The following IRAG1 variants were observed in gnomAD, a reference collection of about 807,000 sequenced individuals.
IRAG1 encodes the protein IP3R-associated cGMP kinase substrate.
A neutral mutation model predicts 106.2 loss-of-function variants in IRAG1; 62 were observed. The observed-to-expected ratio is 0.58, with a 90% CI of 0.48 to 0.72. The LOEUF (loss-of-function observed/expected upper bound fraction) is 0.72, where lower values mean the gene tolerates loss of function less well. Among genes scored for constraint, IRAG1 ranks in the 30% least tolerant of loss-of-function variants. IRAG1 has a pLI of 0.00. For synonymous variants in IRAG1, 462 were observed against 443.9 expected (o/e 1.04, Z -0.51); for missense variants, 1,064 against 1,140.7 (o/e 0.93, Z 0.97).
chr11:10,655,441 C>T (rs1858841653), intron 1 of IRAG1, among the ~76,000 whole-genome samples: 1 of 151,914 alleles, frequency 6.6e-6, no homozygotes, highest in Non-Finnish European at 1.5e-5. Flanking sequence ...TTTTACTGTT[C>T]CCAAAGAATA....
At chr11:10,650,850 T>C (rs1268635955) in intron 2 of IRAG1, among the ~76,000 whole-genome samples, 1 of 152,220 alleles carries the variant, frequency 6.6e-6, no homozygotes, top group Admixed American at 6.5e-5. Context: ...TTCTGCAACA[T>C]CTTAATCCGA....
At chr11:10,686,230 A>C (rs561297832) in intron 1 of IRAG1, among the ~76,000 whole-genome samples, 1 of 152,180 alleles carries the variant, frequency 6.6e-6, no homozygotes, top group South Asian at 2.1e-4. Context: ...AGGTAAGGGG[A>C]CTCAGAGGTT....
intron 2 of IRAG1, among the ~76,000 whole-genome samples, chr11:10,645,643 CTT>C (rs1478718935): frequency 1.3e-5 from 2 of 152,198 alleles, no homozygotes; most frequent in East Asian, 1.9e-4. Context: ...CATGTGGAAA[CTT>C]TTTGCAAACC....
intron 1 of IRAG1, chr11:10,690,375 A>AG (rs1310543504): frequency 7.8e-7 from 1 of 1,285,326 alleles, no homozygotes; most frequent in African/African-American, 1.5e-5. Flanking sequence ...CCTGTCTAAA[A>AG]AAAAAAAAAA....
chr11:10,628,952 G>A lies in IRAG1; in HGVS notation c.575-124C>T. On this transcript the variant is annotated intron_variant, in intron 5 of 20. Transcript: ENST00000423302. The surrounding 1 kb of genome is among the most constrained non-coding windows in gnomAD (Gnocchi z 4.1). ...GTCTGCCTTGCTGGGCTCAGGGGCT[G>A]ATGCTGGACTGCAATATGATGCTCC... 1.2e-6 allele frequency: 1 copy of A among 850,404 alleles called. No individual in the cohort carries two copies. The highest frequency in any genetic ancestry group is 1.8e-6 in the Non-Finnish European group (1 of 544,478). 52.7% of individuals were successfully genotyped at this position (850,404 alleles called of 1,614,324 possible).
chr11:10,660,667 C>A (rs1015070544), intron 1 of IRAG1, among the ~76,000 whole-genome samples: 30 of 152,300 alleles, frequency 2.0e-4, no homozygotes, highest in African/African-American at 7.0e-4. Context: ...GACTTCATTG[C>A]CAATTGTCTT....
At position 10,647,373 on chromosome 11, in the gene IRAG1, T is replaced by C. The variant is rs1200994431; in HGVS notation, c.225+4652A>G. ...ACCTACCGTAAGGCTAATTATATGT[T>C]AAATGAGTTAATATGGTAGACGAGT... On this transcript the variant is annotated intron_variant, in intron 2 of 20. Coordinates refer to ENST00000423302, the MANE Select transcript of IRAG1 (RefSeq NM_130385.4). The surrounding 1 kb of genome is among the most constrained non-coding windows in gnomAD (Gnocchi z 4.3). Among the ~76,000 whole-genome samples the C allele has an allele frequency of 6.6e-6, 1 of 152,224 alleles. No individual in the cohort carries two copies.
intron 1 of IRAG1, among the ~76,000 whole-genome samples, chr11:10,690,045 G>T (rs1472605660): frequency 6.6e-6 from 1 of 152,196 alleles, no homozygotes; most frequent in Non-Finnish European, 1.5e-5. Flanking sequence ...AACCAGAGCT[G>T]ATTAAGCCCA....
intron 1 of IRAG1, among the ~76,000 whole-genome samples, chr11:10,658,039 C>T (rs1324598214): frequency 1.3e-5 from 2 of 152,214 alleles, no homozygotes; most frequent in East Asian, 1.9e-4. Flanking sequence ...TGAAAGCAGG[C>T]GTCCTTCGGC....
chr11:10,693,413 G>C, intron 1 of IRAG1, 123 bp downstream of exon 1: 1 of 1,453,302 alleles, frequency 6.9e-7, no homozygotes, highest in Admixed American at 2.6e-5. Context: ...AACAAAGCCA[G>C]CTCCCCTGGA....
chr11:10,627,072 G>A (rs1034383302), intron 8 of IRAG1, among the ~76,000 whole-genome samples: 1 of 152,170 alleles, frequency 6.6e-6, no homozygotes, highest in African/African-American at 2.4e-5. Context: ...TTCTTGCAAA[G>A]GTGATGTCTT....
chr11:10,693,353 T>C (rs975221785), intron 1 of IRAG1, 183 bp downstream of exon 1: 1 of 1,229,700 alleles, frequency 8.1e-7, no homozygotes, highest in Non-Finnish European at 1.1e-6. Context: ...TCACTTCTGA[T>C]TTAAAACTTA....
chr11:10,656,369 C>T (rs10770130), intron 1 of IRAG1, among the ~76,000 whole-genome samples: 31,003 of 152,100 alleles, frequency 0.2, 4,784 homozygotes, highest in East Asian at 0.82. Flanking sequence ...TTTTACAGGC[C>T]GGGAAACTGA....
At chr11:10,690,898 C>T (rs572055573) in intron 1 of IRAG1, among the ~76,000 whole-genome samples, 1 of 152,362 alleles carries the variant, frequency 6.6e-6, no homozygotes, top group Admixed American at 6.5e-5. Context: ...CCATCTCCCT[C>T]CTCTGACTCA....
intron 10 of IRAG1, among the ~76,000 whole-genome samples, chr11:10,618,181 A>G (rs532991420): frequency 6.6e-6 from 1 of 152,140 alleles, no homozygotes; most frequent in African/African-American, 2.4e-5. Context: ...AGATGCCTAC[A>G]TGCTTTTGCT....
chr11:10,652,275 C>A, intron 1 of IRAG1, 93 bp from the exon 2 acceptor site: 1 of 1,559,698 alleles, frequency 6.4e-7, no homozygotes, highest in Non-Finnish European at 8.7e-7. Context: ...CAGTGAGAGC[C>A]GGCTTGAGTT....
At chr11:10,676,159 G>T (rs920812879) in intron 1 of IRAG1, among the ~76,000 whole-genome samples, 6 of 152,246 alleles carry the variant, frequency 3.9e-5, no homozygotes, top group Non-Finnish European at 8.8e-5. Context: ...GCTTCGCTTT[G>T]CCTCCCTAAG....
rs754396129 is a variant in IRAG1 at position 10,594,181 on chromosome 11, G to A, written c.2032C>T (p.Arg678Cys). Residue 678 changes from arginine to cysteine, a missense_variant, in exon 16 of 21, where the codon CGC becomes TGC. Transcript: ENST00000423302. ...SCGPSEDGVPRTARSMSLTLG... is the reference protein window; with the variant it reads ...SCGPSEDGVPCTARSMSLTLG... ...GTGAGGGACATGGACCGTGCCGTGC[G>A]AGGGACCCCATCTTCTGCAGCAGGA... is the stretch of plus-strand genomic sequence containing the variant. 24 of 1,610,110 alleles carry A rather than the reference G, an allele frequency of 1.5e-5. No individual in the cohort carries two copies. In the Admixed American group the frequency reaches 2.7e-4, roughly 18 times the overall value.
chr11:10,597,758 T>C (rs1276340727), intron 15 of IRAG1, among the ~76,000 whole-genome samples: 1 of 152,234 alleles, frequency 6.6e-6, no homozygotes, highest in Non-Finnish European at 1.5e-5. Flanking sequence ...CTGATGACTT[T>C]TGTTCATGAT....
Sources: allele counts gnomAD v4.1 joint callset (sites outside exome capture counted in the v4.1 genomes callset), GRCh38; gene constraint gnomAD v4.1.1; non-coding constraint Gnocchi (gnomAD v3.1); transcripts MANE v1.5; gene names NCBI Gene and HGNC (gene_info 2026-07-23, HGNC 2026-07-21).